The following BCAR3 variants were observed in gnomAD, a reference collection of about 807,000 sequenced individuals.
The protein encoded by BCAR3 is breast cancer anti-estrogen resistance protein 3.
A neutral mutation model predicts 80.1 loss-of-function variants in BCAR3; 37 were observed. The ratio of observed to expected loss-of-function variants is 0.46; its 90% CI spans 0.36 to 0.61. The LOEUF is 0.61. BCAR3 is among the 20% of genes least tolerant of loss of function. BCAR3 has a pLI of 0.00. For missense variants in BCAR3, 978 were observed against 1,068.2 expected, an observed-to-expected ratio of 0.92 and a Z score of 1.18; for synonymous variants, 389 against 418.9, an observed-to-expected ratio of 0.93 and a Z score of 0.87.
intron 2 of BCAR3, among the ~76,000 whole-genome samples, chr1:93,764,866 A>G (rs935005746): frequency 5.9e-5 from 9 of 152,182 alleles, no homozygotes; most frequent in Admixed American, 5.2e-4. Context: ...GTCTGGGTCC[A>G]GAGGTTTCCT....
At chr1:93,707,407 T>C (rs1249637497) in intron 2 of BCAR3, among the ~76,000 whole-genome samples, 1 of 152,038 alleles carries the variant, frequency 6.6e-6, no homozygotes, top group African/African-American at 2.4e-5. Context: ...TAAATAATTA[T>C]GCTTTAAAAT....
rs1440901611 is a variant in BCAR3 at position 93,567,453 on chromosome 1, G to A, written c.2125C>T (p.Leu709=). The change falls in exon 11 of 12, where the codon CTG becomes TTG. Residue 709 remains leucine (L), a synonymous_variant. Coordinates refer to ENST00000260502, the MANE Select transcript of BCAR3 (RefSeq NM_003567.4). ...ATTAACGTCACAAGCGGCATCAGCA[G>A]TGGGACTGATACATTGTTTGGGGGA... The part of the protein sequence containing the change: ...CVPPNNVSVP[L]LMPLVTLMER... 1 of 1,614,172 alleles carries A rather than the reference G, an allele frequency of 6.2e-7. No individual in the cohort carries two copies. The highest frequency in any genetic ancestry group is 8.5e-7 in the Non-Finnish European group (1 of 1,180,028).
At chr1:93,754,326 A>G (rs1359521078) in intron 2 of BCAR3, 1 of 152,240 alleles carries the variant, frequency 6.6e-6, no homozygotes, top group African/African-American at 2.4e-5. Flanking sequence ...TTAACTCCAA[A>G]TCGCAGGCCT....
Position 93,674,818 on chromosome 1 carries a change from C to A in BCAR3, c.113G>T (p.Arg38Leu). 6.2e-7 allele frequency: 1 copy of A among 1,604,562 alleles called. No individual in the cohort carries two copies. The highest frequency in any genetic ancestry group is 8.5e-7 in the Non-Finnish European group (1 of 1,176,382). The change falls in exon 2 of 12, where the codon CGC (arginine) becomes CTC (leucine). Residue 38 changes from arginine (R) to leucine (L), a missense_variant. Arg to Leu is a moderately radical substitution (Grantham distance 102). Transcript: ENST00000260502. The part of the protein sequence containing the change: ...LSSRSPLAEH[R>L]PDAYQDVSIH... Reference sequence around the variant, plus strand: ...AGACACATCTTGATAGGCATCTGGGCGATGCTCAGCGAGAGGGGACCTGCT... The same window carrying A: ...AGACACATCTTGATAGGCATCTGGGAGATGCTCAGCGAGAGGGGACCTGCT...
At position 93,825,663 on chromosome 1, in the gene BCAR3, C is replaced by A. The variant is rs1486360768; in HGVS notation, c.-63+19904G>T. 5.0e-5 allele frequency among the ~76,000 whole-genome samples: 4 copies of A among 79,432 alleles called. 1 individual carries two copies. The highest frequency in any genetic ancestry group is 1.3e-4 in the Non-Finnish European group (4 of 30,032). 52.1% of individuals were successfully genotyped at this position (79,432 alleles called of 152,430 possible). ...TCCACCCTCCTTCCCCAGGGCCAAA[C>A]CTCTGGAGTCAGCACCCACTGGTGG... On this transcript the variant is annotated intron_variant, in intron 2 of 13. Coordinates refer to the BCAR3 transcript ENST00000370244.
At chr1:93,618,260 C>T (rs909440506) in intron 3 of BCAR3, among the ~76,000 whole-genome samples, 13 of 152,228 alleles carry the variant, frequency 8.5e-5, no homozygotes, top group Admixed American at 5.2e-4. Context: ...GTGGACAAGA[C>T]GTTCGCCTGC....
intron 3 of BCAR3, chr1:93,602,560 A>T (rs1557855840): frequency 6.6e-6 from 1 of 152,248 alleles, no homozygotes. Flanking sequence ...ATCGTCTTAC[A>T]AGTAAATCCA....
chr1:93,707,342 A>C (rs2101977197), intron 2 of BCAR3, among the ~76,000 whole-genome samples: 1 of 152,348 alleles, frequency 6.6e-6, no homozygotes, highest in African/African-American at 2.4e-5. Context: ...ATTAAATAAA[A>C]CAGTGAAAAC....
At chr1:93,705,156 G>C (rs765641534) in intron 3 of BCAR3, among the ~76,000 whole-genome samples, 1 of 152,174 alleles carries the variant, frequency 6.6e-6, no homozygotes, top group African/African-American at 2.4e-5. Flanking sequence ...TCCTGATCCA[G>C]GTGGGAACCC....
chr1:93,684,279 G>T (rs1648899470), upstream of BCAR3, among the ~76,000 whole-genome samples: 1 of 152,176 alleles, frequency 6.6e-6, no homozygotes, highest in Non-Finnish European at 1.5e-5. Flanking sequence ...AAAGTTCCCT[G>T]AGTACCTACT....
intron 2 of BCAR3, among the ~76,000 whole-genome samples, chr1:93,665,056 C>CT (rs1366015827): frequency 6.6e-6 from 1 of 152,076 alleles, no homozygotes; most frequent in Non-Finnish European, 1.5e-5. Flanking sequence ...AGAGGAAGGG[C>CT]TTCTGCCTAC....
chr1:93,589,567 T>C, intron 4 of BCAR3, 148 bp from the exon 5 acceptor site: 1 of 722,414 alleles, frequency 1.4e-6, no homozygotes, highest in South Asian at 1.9e-5. Flanking sequence ...AAAGATCAAA[T>C]TCATAGAAGA....
At chr1:93,566,632 A>G (rs1482956600) in intron 11 of BCAR3, among the ~76,000 whole-genome samples, 1 of 152,172 alleles carries the variant, frequency 6.6e-6, no homozygotes, top group Non-Finnish European at 1.5e-5. Context: ...GGGAAGGAAC[A>G]GGAATGCAGA....
At position 93,589,287 on chromosome 1, in the gene BCAR3, G is replaced by A. The variant is rs1674077856; in HGVS notation, c.619C>T (p.Arg207Ter). ...QHFKINRTVL[R>*]LSEAYSRVQY... Reference sequence around the variant, plus strand: ...ACGCGGCTGTAGGCCTCGCTGAGTCGCAGAACTGTCCGGTTGATTTTGAAG... The same window carrying A: ...ACGCGGCTGTAGGCCTCGCTGAGTCACAGAACTGTCCGGTTGATTTTGAAG... The change falls in exon 5 of 12, where the codon CGA becomes TGA. Residue 207 changes from arginine (R) to a stop codon, truncating the protein, a stop_gained. Transcript: ENST00000260502. LOFTEE classifies it high-confidence loss of function. 1.2e-6 allele frequency: 2 copies of A among 1,614,172 alleles called. No homozygotes were observed. Among genetic ancestry groups the A allele is most frequent in the Non-Finnish European group, 1.7e-6 (2 of 1,180,024 alleles).
At chr1:93,649,538 G>C (rs1311967035) in intron 2 of BCAR3, among the ~76,000 whole-genome samples, 1 of 146,696 alleles carries the variant, frequency 6.8e-6, no homozygotes, top group African/African-American at 2.5e-5. Context: ...TTCAAAAGGT[G>C]AAAGGAAAAA....
At chr1:93,635,906 A>T (rs1675765040) in intron 3 of BCAR3, among the ~76,000 whole-genome samples, 1 of 152,264 alleles carries the variant, frequency 6.6e-6, no homozygotes, top group Non-Finnish European at 1.5e-5. Flanking sequence ...TCTCAAAGAC[A>T]GCTATTTAAT....
intron 3 of BCAR3, among the ~76,000 whole-genome samples, chr1:93,627,169 G>A (rs1231823403): frequency 2.2e-4 from 34 of 152,186 alleles, no homozygotes; most frequent in Admixed American, 2.2e-3. Flanking sequence ...TGTGAGTTCT[G>A]ATATTACATA....
At chr1:93,790,651 A>AT (rs1553172483) in intron 2 of BCAR3, among the ~76,000 whole-genome samples, 1,167 of 83,418 alleles carry the variant, frequency 0.014, 31 homozygotes, top group African/African-American at 0.045. Context: ...TTTTTTCTTA[A>AT]TTTTTTTTTT....
intron 3 of BCAR3, among the ~76,000 whole-genome samples, chr1:93,624,424 T>TTA (rs1444831504): frequency 6.6e-6 from 1 of 152,230 alleles, no homozygotes; most frequent in Non-Finnish European, 1.5e-5. Context: ...TAGACAGTCC[T>TTA]TAGGTGGACA....
Sources: allele counts gnomAD v4.1 joint callset (sites outside exome capture counted in the v4.1 genomes callset), GRCh38; gene constraint gnomAD v4.1.1; transcripts MANE v1.5; gene names NCBI Gene and HGNC (gene_info 2026-07-23, HGNC 2026-07-21).